The following FARP1 variants were observed in gnomAD, a reference collection of about 807,000 sequenced individuals.
The protein encoded by FARP1 is FERM, ARH/RhoGEF and pleckstrin domain protein 1.
FARP1 carries 52 observed loss-of-function variants against 128.8 expected under a neutral mutation model. The ratio of observed to expected loss-of-function variants is 0.40; its 90% CI spans 0.32 to 0.51. FARP1 has a LOEUF of 0.51. Among genes scored for constraint, FARP1 ranks in the 20% least tolerant of loss-of-function variants. The probability of loss-of-function intolerance (pLI) is 0.45; values close to 1 mark genes in which losing one functional copy is unlikely to be tolerated. For missense variants in FARP1, 1,333 were observed against 1,367.9 expected (o/e 0.97, Z 0.40); for synonymous variants, 580 against 551.8 (o/e 1.05, Z -0.72).
chr13:98,199,235 G>T (rs560783169), intron 1 of FARP1, among the ~76,000 whole-genome samples: 1 of 152,056 alleles, frequency 6.6e-6, no homozygotes, highest in African/African-American at 2.4e-5. Flanking sequence ...TCAGGGACTA[G>T]TTGATGTCTC....
chr13:98,377,628 G>A (rs1889649552), intron 5 of FARP1, among the ~76,000 whole-genome samples, 193 bp from the exon 6 acceptor site: 1 of 152,150 alleles, frequency 6.6e-6, no homozygotes, highest in Admixed American at 6.6e-5. Context: ...GTGAAAAGAT[G>A]ATAGCATACA....
Position 98,451,435 on chromosome 13 carries a change from C to T in FARP1, c.*3118C>T, listed in dbSNP as rs1440205702. On this transcript the variant is annotated 3_prime_UTR_variant, in exon 27 of 27. Transcript: ENST00000319562. ...AATTAGCAACTCAGTTCTATTTCCC[C>T]AACCAAAATATATCCCTTATACAAA... 1.3e-5 allele frequency: 2 copies of T among 152,150 alleles called. No homozygotes were observed. The highest frequency in any genetic ancestry group is 2.9e-5 in the Non-Finnish European group (2 of 68,030). The allele number at this position is 152,150 out of a possible 1,614,324, so 9.4% of individuals were successfully genotyped here.
At chr13:98,314,927 A>G (rs629697) in intron 2 of FARP1, among the ~76,000 whole-genome samples, 55,528 of 151,878 alleles carry the variant, frequency 0.37, 10,802 homozygotes, top group Non-Finnish European at 0.44. Context: ...AAGATAGCAG[A>G]TGGTTCAAAG....
chr13:98,336,358 C>T (rs889394477), intron 2 of FARP1, among the ~76,000 whole-genome samples: 4 of 152,188 alleles, frequency 2.6e-5, no homozygotes, highest in Admixed American at 1.3e-4. Context: ...TGATTGAACC[C>T]GGGAGGGTTC....
chr13:98,443,402 C>A (rs1210025792), intron 24 of FARP1, among the ~76,000 whole-genome samples: 1 of 152,198 alleles, frequency 6.6e-6, no homozygotes, highest in African/African-American at 2.4e-5. Context: ...AATCTTGTGT[C>A]GGTGGCAGGC....
At chr13:98,332,771 A>T (rs1252729048) in intron 2 of FARP1, 1 of 152,216 alleles carries the variant, frequency 6.6e-6, no homozygotes, top group African/African-American at 2.4e-5. Context: ...TCACGTTAAG[A>T]TCGGTTCTTG....
intron 2 of FARP1, among the ~76,000 whole-genome samples, chr13:98,252,536 A>T (rs1032261237): frequency 1.3e-5 from 2 of 152,260 alleles, no homozygotes; most frequent in African/African-American, 4.8e-5. Context: ...AATGGACAGG[A>T]GTGCCCTGGT....
At chr13:98,409,550 G>A (rs372977647) in intron 14 of FARP1, 25 bp downstream of exon 14, 33 of 1,548,308 alleles carry the variant, frequency 2.1e-5, no homozygotes, top group Middle Eastern at 1.7e-4. Context: ...GCTCAAGCGC[G>A]TGTGTGGCTG....
intron 2 of FARP1, among the ~76,000 whole-genome samples, chr13:98,298,184 T>C (rs1885779758): frequency 6.6e-6 from 1 of 152,260 alleles, no homozygotes; most frequent in Admixed American, 6.5e-5. Flanking sequence ...TCAGGCATTA[T>C]GTGTATACTT....
In FARP1 at chr13:98,201,012, T is replaced by C. The variant is rs530157115; in HGVS notation, c.-23-12208T>C. On this transcript the variant is annotated intron_variant, in intron 1 of 26. Transcript: ENST00000319562. ...CAAGTCAGGGTAATTGGGATAGCCA[T>C]TGTCTTTTCTTTGTGTTGGGGACAT... Among the ~76,000 whole-genome samples, 57 of 152,338 alleles carry C rather than the reference T, an allele frequency of 3.7e-4. 1 individual carries two copies. In the South Asian group the frequency reaches 0.011, roughly 30 times the overall value.
intron 2 of FARP1, among the ~76,000 whole-genome samples, chr13:98,316,026 G>C (rs1208551289): frequency 6.6e-6 from 1 of 152,152 alleles, no homozygotes; most frequent in South Asian, 2.1e-4. Flanking sequence ...TCATGGACCC[G>C]GGGAATGCGG....
At chr13:98,435,536 G>T (rs1350574944) in intron 18 of FARP1, 40 bp from the exon 19 acceptor site, 7 of 1,574,146 alleles carry the variant, frequency 4.4e-6, no homozygotes, top group Non-Finnish European at 6.0e-6. Flanking sequence ...ACCCCTGCCT[G>T]CCTTTCCCGC....
At chr13:98,230,858 G>C (rs1477116746) in intron 2 of FARP1, among the ~76,000 whole-genome samples, 1 of 152,108 alleles carries the variant, frequency 6.6e-6, no homozygotes, top group African/African-American at 2.4e-5. Context: ...CCAGAGACTG[G>C]GTAATTTATA....
chr13:98,168,207 T>G (rs553985036), intron 1 of FARP1, among the ~76,000 whole-genome samples: 34 of 152,202 alleles, frequency 2.2e-4, no homozygotes, highest in African/African-American at 7.9e-4. Flanking sequence ...TAAAAAAGTT[T>G]TGGTGCCATG....
intron 1 of FARP1, among the ~76,000 whole-genome samples, chr13:98,182,567 T>G (rs1878609292): frequency 6.6e-6 from 1 of 152,186 alleles, no homozygotes; most frequent in African/African-American, 2.4e-5. Flanking sequence ...GCTTTAGTGA[T>G]CTACCTGCCT....
At chr13:98,321,311 A>G (rs901397407) in intron 2 of FARP1, among the ~76,000 whole-genome samples, 2 of 152,172 alleles carry the variant, frequency 1.3e-5, no homozygotes, top group African/African-American at 4.8e-5. Context: ...CTCATGGCCA[A>G]TGAGTTAACT....
Position 98,452,550 on chromosome 13 carries a change from C to A in FARP1, c.*4233C>A, listed in dbSNP as rs1893250390. The stretch of plus-strand genomic sequence containing the variant: ...TTATTAATGACAAACCCTGCAAATA[C>A]AAAATAAAACCCAAATCACTGGTCA... On this transcript the variant is annotated 3_prime_UTR_variant, in exon 27 of 27. Coordinates refer to ENST00000319562, the MANE Select transcript of FARP1 (RefSeq NM_005766.4). 1 of 152,520 alleles carries A rather than the reference C, an allele frequency of 6.6e-6. No homozygotes were observed. Among genetic ancestry groups the A allele is most frequent in the Admixed American group, 6.6e-5 (1 of 15,262 alleles). The allele number at this position is 152,520 out of a possible 1,614,324, so 9.4% of individuals were successfully genotyped here. A position where few individuals can be genotyped will look rare whatever the true frequency, so the allele number is the denominator to read the frequency against.
chr13:98,263,358 T>C (rs1478712363), intron 2 of FARP1, among the ~76,000 whole-genome samples: 1 of 152,220 alleles, frequency 6.6e-6, no homozygotes, highest in Non-Finnish European at 1.5e-5. Flanking sequence ...CCTATGCTTA[T>C]ATTTAGAAAG....
chr13:98,300,268 A>G (rs1369279426), intron 2 of FARP1, among the ~76,000 whole-genome samples: 1 of 152,192 alleles, frequency 6.6e-6, no homozygotes, highest in Non-Finnish European at 1.5e-5. Flanking sequence ...TGGGGACGAC[A>G]GGCTTTCACG....
Sources: allele counts gnomAD v4.1 joint callset (sites outside exome capture counted in the v4.1 genomes callset), GRCh38; gene constraint gnomAD v4.1.1; transcripts MANE v1.5; gene names NCBI Gene and HGNC (gene_info 2026-07-23, HGNC 2026-07-21).